PLAA: variants seen among roughly 807,000 people sequenced by gnomAD.
PLAA encodes the protein phospholipase A-2-activating protein.
PLAA carries 48 observed loss-of-function variants against 84.1 expected under a neutral mutation model. That is an observed-to-expected ratio of 0.57 (90% CI 0.45 to 0.73). The LOEUF (loss-of-function observed/expected upper bound fraction) is 0.73. PLAA is among the 30% of genes least tolerant of loss of function. PLAA has a pLI of 0.00. For synonymous variants in PLAA, 392 were observed against 336.6 expected (o/e 1.16, Z -1.80); for missense variants, 903 against 954.7 (o/e 0.95, Z 0.71).
intron 6 of PLAA, among the ~76,000 whole-genome samples, 197 bp downstream of exon 6, chr9:26,925,628 T>C (rs1039591112): frequency 2.0e-5 from 3 of 151,354 alleles, no homozygotes; most frequent in Non-Finnish European, 2.9e-5. Context: ...GACTGCACAA[T>C]TGCAGTACAA....
rs1824527198 is a variant in PLAA at position 26,915,688 on chromosome 9, C to T, written c.1486+1409G>A. On this transcript the variant is annotated intron_variant, in intron 10 of 13. Transcript: ENST00000397292. The stretch of plus-strand genomic sequence containing the variant: ...TCAATTATCCTGATACCCTAATTCT[C>T]TTGGACATTGTGTATGCTATCTTGC... 3 of 983,882 alleles carry T rather than the reference C, an allele frequency of 3.0e-6. No homozygotes were observed. In the Admixed American group the frequency reaches 1.8e-4, roughly 61 times the overall value. 60.9% of individuals were successfully genotyped at this position (983,882 alleles called of 1,614,324 possible). A position where few individuals can be genotyped will look rare whatever the true frequency, so the allele number is the denominator to read the frequency against.
chr9:26,925,157 C>T (rs955059142), intron 6 of PLAA, among the ~76,000 whole-genome samples: 4 of 152,208 alleles, frequency 2.6e-5, no homozygotes, highest in Admixed American at 2.6e-4. Flanking sequence ...CTTCACACTC[C>T]TTCTGTACTT....
chr9:26,908,299 T>C (rs1824301160), intron 12 of PLAA, among the ~76,000 whole-genome samples: 2 of 149,854 alleles, frequency 1.3e-5, no homozygotes, highest in African/African-American at 4.9e-5. Flanking sequence ...CCTGAGTAGC[T>C]GGGACTATAG....
At chr9:26,931,947 C>A (rs997046908) in intron 2 of PLAA, among the ~76,000 whole-genome samples, 1 of 152,038 alleles carries the variant, frequency 6.6e-6, no homozygotes, top group Non-Finnish European at 1.5e-5. Flanking sequence ...CTTAGCTGGG[C>A]GTGGTGGTGG....
Position 26,923,349 on chromosome 9 carries a change from T to C in PLAA, c.870-2A>G. 1 of 1,592,538 alleles carries C rather than the reference T, an allele frequency of 6.3e-7. No homozygotes were observed. Among genetic ancestry groups the C allele is most frequent in the Non-Finnish European group, 8.6e-7 (1 of 1,165,402 alleles). On this transcript the variant is annotated splice_acceptor_variant, in intron 6 of 13. Transcript: ENST00000397292. LOFTEE classifies it high-confidence loss of function. ...GTAAACACTCTAATAATGCCATCAC[T>C]GTAAGGAAAAATAAACTGATTTTAG...
At position 26,925,828 on chromosome 9, in the gene PLAA, G is replaced by C; in HGVS notation, c.866C>G (p.Ala289Gly). The C allele has an allele frequency of 6.2e-7, 1 of 1,613,468 alleles. No homozygotes were observed. The highest frequency in any genetic ancestry group is 8.5e-7 in the Non-Finnish European group (1 of 1,179,622). ...VLDNGDIVVG[A>G]SDGIIRVFTE... is the part of the protein sequence containing the mutation. ...TGATTGACTAGAATATAAATACCTC[G>C]CACCAACCACAATGTCACCATTGTC... Residue 289 changes from alanine (A) to glycine (G), a missense_variant, in exon 6 of 14, where the codon GCG becomes GGG. Transcript: ENST00000397292.
Position 26,926,503 on chromosome 9 carries a change from C to A in PLAA, c.623G>T (p.Cys208Phe). 6.2e-7 allele frequency: 1 copy of A among 1,613,460 alleles called. No individual in the cohort carries two copies. Among genetic ancestry groups the A allele is most frequent in the Non-Finnish European group, 8.5e-7 (1 of 1,179,584 alleles). ...CCTTCTAATACTAGCATCATTTGCA[C>A]AGGAAAGAAATTCTGTTTCACTCAA... ...AILSETEFLS[C>F]ANDASIRRWQ... is the part of the protein sequence containing the mutation. The change falls in exon 5 of 14, where the codon TGT (cysteine) becomes TTT (phenylalanine). Residue 208 changes from cysteine (C) to phenylalanine (F), a missense_variant. By Grantham distance (205) the Cys-to-Phe change is radical. Coordinates refer to ENST00000397292, the MANE Select transcript of PLAA (RefSeq NM_001031689.3).
rs575009966 is a variant in PLAA, at chr9:26,903,660, T to C, written c.*1851A>G. Reference sequence around the variant, plus strand: ...GAAAGTTTAACTAAAAAAGAAAATCTTTAAAATATCATTAAATTATTTAAC... The same window carrying C: ...GAAAGTTTAACTAAAAAAGAAAATCCTTAAAATATCATTAAATTATTTAAC... On this transcript the variant is annotated 3_prime_UTR_variant, in exon 14 of 14. Coordinates refer to ENST00000397292, the MANE Select transcript of PLAA (RefSeq NM_001031689.3). Among the ~76,000 whole-genome samples, 2 of 152,174 alleles carry C rather than the reference T, an allele frequency of 1.3e-5. No homozygotes were observed. Among genetic ancestry groups the C allele is most frequent in the African/African-American group, 4.8e-5 (2 of 41,454 alleles).
chr9:26,924,589 A>G (rs1323927743), intron 6 of PLAA, among the ~76,000 whole-genome samples: 1 of 152,046 alleles, frequency 6.6e-6, no homozygotes, highest in Admixed American at 6.6e-5. Context: ...ACATCTTTCA[A>G]ACCAAATCCA....
chr9:26,927,127 C>CT lies in PLAA; in HGVS notation c.566-568dup, dbSNP rs10672584. ...ATCAAAAGATACTTTTTTTGTTTTT[C>CT]TTTTTTTTTTTGAGATGGAGTCTCA... is the stretch of plus-strand genomic sequence containing the variant. On this transcript the variant is annotated intron_variant, in intron 4 of 13. Coordinates refer to ENST00000397292, the MANE Select transcript of PLAA (RefSeq NM_001031689.3). 1.6e-3 allele frequency among the ~76,000 whole-genome samples: 215 copies of CT among 136,732 alleles called. 2 individuals carry two copies. The highest frequency in any genetic ancestry group is 3.8e-3 in the Middle Eastern group (1 of 262). The allele number at this position is 136,732 out of a possible 152,430, so 89.7% of individuals were successfully genotyped here.
chr9:26,904,191 C>T lies in PLAA; in HGVS notation c.*1320G>A, dbSNP rs1366011958. 6.6e-6 allele frequency: 1 copy of T among 152,198 alleles called. No homozygotes were observed. The highest frequency in any genetic ancestry group is 1.5e-5 in the Non-Finnish European group (1 of 68,018). The allele number at this position is 152,198 out of a possible 1,614,324, so 9.4% of individuals were successfully genotyped here. A position where few individuals can be genotyped will look rare whatever the true frequency, so the allele number is the denominator to read the frequency against. On this transcript the variant is annotated 3_prime_UTR_variant, in exon 14 of 14. Transcript: ENST00000397292. ...CTTGGGTTACTCTTGACAATTAGAA[C>T]CTTTCTTGCCCATTTGGGGAACAAT...
chr9:26,913,370 C>G (rs1282505017), intron 11 of PLAA, among the ~76,000 whole-genome samples: 1 of 152,012 alleles, frequency 6.6e-6, no homozygotes, highest in Non-Finnish European at 1.5e-5. Context: ...ATTAGTTGCT[C>G]AGAAGAACTA....
chr9:26,927,127 C>CTATTTTTT (rs1554659725), intron 4 of PLAA, among the ~76,000 whole-genome samples: 3 of 136,784 alleles, frequency 2.2e-5, no homozygotes, highest in Non-Finnish European at 3.1e-5. Flanking sequence ...TTTTGTTTTT[C>CTATTTTTT]TTTTTTTTTT....
At chr9:26,915,488 T>G (rs1824520071) in intron 10 of PLAA, among the ~76,000 whole-genome samples, 1 of 152,220 alleles carries the variant, frequency 6.6e-6, no homozygotes, top group Non-Finnish European at 1.5e-5. Context: ...TAGGGAAATC[T>G]TTTGGCCCCA....
chr9:26,911,591 T>C (rs1824401270), intron 11 of PLAA, among the ~76,000 whole-genome samples: 1 of 152,144 alleles, frequency 6.6e-6, no homozygotes, highest in Admixed American at 6.6e-5. Context: ...CCCGTCTGAG[T>C]CCTAGTCTTT....
Position 26,919,340 on chromosome 9 carries a change from C to A in PLAA, c.1387G>T (p.Gly463Trp). 6.2e-7 allele frequency: 1 copy of A among 1,610,818 alleles called. No homozygotes were observed. The highest frequency in any genetic ancestry group is 2.2e-5 in the East Asian group (1 of 44,778). ...AATGGATCTGAAAAGCTGGGATTCC[C>A]AAGTCCCAACATTTGACCTTTTGTG... ...DNTKGQMLGL[G>W]NPSFSDPFTG... The change falls in exon 9 of 14, where the codon GGG becomes TGG. Residue 463 changes from glycine to tryptophan, a missense_variant. Coordinates refer to ENST00000397292, the MANE Select transcript of PLAA (RefSeq NM_001031689.3).
Position 26,919,000 on chromosome 9 carries a change from A to G in PLAA, c.1417+310T>C, listed in dbSNP as rs570956743. On this transcript the variant is annotated intron_variant, in intron 9 of 13. Coordinates refer to ENST00000397292, the MANE Select transcript of PLAA (RefSeq NM_001031689.3). ...GCCTCATGTGAAAAAAAGATTTACT[A>G]AATTTTGCCAAAATATAATTTTTTA... Among the ~76,000 whole-genome samples the G allele has an allele frequency of 2.4e-4, 36 of 152,362 alleles. No individual in the cohort carries two copies. The East Asian group carries it at 6.2e-3, about 26-fold the overall frequency.
intron 9 of PLAA, among the ~76,000 whole-genome samples, chr9:26,918,671 A>C (rs906341833): frequency 6.6e-6 from 1 of 152,170 alleles, no homozygotes; most frequent in Non-Finnish European, 1.5e-5. Context: ...TTAACAGTAA[A>C]GTGCCTATCT....
chr9:26,945,245 T>C (rs1295223344), intron 1 of PLAA, among the ~76,000 whole-genome samples: 5 of 152,194 alleles, frequency 3.3e-5, no homozygotes, highest in Non-Finnish European at 7.4e-5. Flanking sequence ...ATTAAACCCT[T>C]GTCAAACTAG....
Sources: gnomAD v4.1 joint callset for allele counts (sites outside exome capture counted in the v4.1 genomes callset) on GRCh38, gnomAD v4.1.1 for gene constraint, MANE v1.5 for transcripts, NCBI Gene and HGNC (gene_info 2026-07-23, HGNC 2026-07-21) for gene names.